The following CIAPIN1 variants were observed in gnomAD, a reference collection of about 807,000 sequenced individuals.
CIAPIN1 encodes the protein cytokine induced apoptosis inhibitor 1, also known as anamorsin.
Under a neutral mutation model 34.3 loss-of-function variants are expected in CIAPIN1, and 18 were observed. That is an observed-to-expected ratio of 0.52 (90% CI 0.36 to 0.78). The LOEUF (loss-of-function observed/expected upper bound fraction) is 0.78. CIAPIN1 is among the 30% of genes least tolerant of loss of function. CIAPIN1 has a pLI of 0.00. For missense variants in CIAPIN1, 310 were observed against 372.5 expected (o/e 0.83, Z 1.38); for synonymous variants, 131 against 140.4 (o/e 0.93, Z 0.47).
rs1433894386 is a variant in CIAPIN1 at position 57,447,055 on chromosome 16, G to T, written c.-56+287C>A. On this transcript the variant is annotated intron_variant, in intron 1 of 8. Transcript: ENST00000394391. ...AAGCTCGGAGCCGTTTCTCCTCAGCGTGGTGTCCCCGGGGCCTCAGAGTAG... is the reference window on the plus strand; with the variant it reads ...AAGCTCGGAGCCGTTTCTCCTCAGCTTGGTGTCCCCGGGGCCTCAGAGTAG... Among the ~76,000 whole-genome samples the T allele has an allele frequency of 2.6e-5, 4 of 152,228 alleles. No homozygotes were observed. In the East Asian group the frequency reaches 7.7e-4, roughly 29 times the overall value.
At chr16:57,445,074 G>T (rs2030001099) in intron 1 of CIAPIN1, among the ~76,000 whole-genome samples, 1 of 152,154 alleles carries the variant, frequency 6.6e-6, no homozygotes, top group Admixed American at 6.5e-5. Flanking sequence ...TGAGGCATTT[G>T]GTCTCTCTTC....
chr16:57,433,209 A>C (rs1903126813), intron 5 of CIAPIN1, among the ~76,000 whole-genome samples: 3 of 152,214 alleles, frequency 2.0e-5, no homozygotes, highest in Non-Finnish European at 4.4e-5. Context: ...TGCAAGGAAG[A>C]GGCAGAGAGC....
intron 5 of CIAPIN1, among the ~76,000 whole-genome samples, chr16:57,432,831 T>A (rs551677897): frequency 1.3e-5 from 2 of 152,348 alleles, no homozygotes; most frequent in Admixed American, 1.3e-4. Context: ...TTAATTCTGC[T>A]GACAACCTTA....
Position 57,428,965 on chromosome 16 carries a change from T to C in CIAPIN1, c.*205A>G, listed in dbSNP as rs774746478. On this transcript the variant is annotated 3_prime_UTR_variant, in exon 9 of 9. Coordinates refer to ENST00000394391, the MANE Select transcript of CIAPIN1 (RefSeq NM_020313.4). Reference sequence around the variant, plus strand: ...AAACCCATCCCATTCTGAAACCAGGTCCCATAATACCTTGGTCTTTTGATA... The same window carrying C: ...AAACCCATCCCATTCTGAAACCAGGCCCCATAATACCTTGGTCTTTTGATA... 2.4e-3 allele frequency: 1,232 copies of C among 518,054 alleles called. 3 individuals are homozygous for C. The highest frequency in any genetic ancestry group is 3.5e-3 in the Non-Finnish European group (1,027 of 289,632). The allele number at this position is 518,054 out of a possible 1,614,324, so 32.1% of individuals were successfully genotyped here. A position where few individuals can be genotyped will look rare whatever the true frequency, so the allele number is the denominator to read the frequency against.
chr16:57,446,061 G>C (rs2050023391), intron 1 of CIAPIN1, among the ~76,000 whole-genome samples: 1 of 151,940 alleles, frequency 6.6e-6, no homozygotes, highest in African/African-American at 2.4e-5. Context: ...GCCCAGGCTG[G>C]TCTCGAACTC....
intron 1 of CIAPIN1, 29 bp downstream of exon 1, chr16:57,447,313 G>C: frequency 4.8e-6 from 2 of 420,080 alleles, no homozygotes; most frequent in Non-Finnish European, 8.1e-6. Context: ...AGGGAGCTCT[G>C]GCGCTCAGCT....
intron 1 of CIAPIN1, among the ~76,000 whole-genome samples, chr16:57,446,557 C>G (rs1216595286): frequency 6.6e-6 from 1 of 152,200 alleles, no homozygotes; most frequent in African/African-American, 2.4e-5. Context: ...TTTACTTCTT[C>G]CTACTAAGCC....
intron 2 of CIAPIN1, 53 bp downstream of exon 2, chr16:57,440,719 A>G: frequency 6.5e-7 from 1 of 1,527,790 alleles, no homozygotes; most frequent in Non-Finnish European, 8.8e-7. Flanking sequence ...GAAATGCAAC[A>G]CTCCCATGGA....
chr16:57,446,557 CCTA>C (rs2030078987), intron 1 of CIAPIN1, among the ~76,000 whole-genome samples: 1 of 152,200 alleles, frequency 6.6e-6, no homozygotes, highest in Non-Finnish European at 1.5e-5. Flanking sequence ...TTTACTTCTT[CCTA>C]CTAAGCCTTC....
At position 57,429,257 on chromosome 16, in the gene CIAPIN1, G is replaced by A. The variant is rs1336287256; in HGVS notation, c.852C>T (p.Arg284=). The A allele has an allele frequency of 1.2e-6, 2 of 1,613,990 alleles. No homozygotes were observed. Among genetic ancestry groups the A allele is most frequent in the Admixed American group, 1.7e-5 (1 of 60,018 alleles). The change falls in exon 9 of 9, where the codon CGC becomes CGT. Residue 284 remains arginine (R), a synonymous_variant. Coordinates refer to ENST00000394391, the MANE Select transcript of CIAPIN1 (RefSeq NM_020313.4). ...TCCCAAGGTAGGGGCAGCTGGCACA[G>A]CGGAAGGCATCGCCCAGGTAGCACT... The part of the protein sequence containing the change: ...CGNCYLGDAF[R]CASCPYLGMP...
chr16:57,428,294 G>A lies in CIAPIN1; in HGVS notation c.*876C>T, dbSNP rs1318066188. On this transcript the variant is annotated 3_prime_UTR_variant, in exon 9 of 9. Coordinates refer to ENST00000394391, the MANE Select transcript of CIAPIN1 (RefSeq NM_020313.4). ...AGATTGATTCCAAGTCCATATGGGT[G>A]GATAACAAGAACAAAGGGGTCTCTG... 1 of 152,206 alleles carries A rather than the reference G, an allele frequency of 6.6e-6. No individual in the cohort carries two copies. Among genetic ancestry groups the A allele is most frequent in the Middle Eastern group, 3.2e-3 (1 of 316 alleles). 9.4% of individuals were successfully genotyped at this position (152,206 alleles called of 1,614,324 possible). A position where few individuals can be genotyped will look rare whatever the true frequency, so the allele number is the denominator to read the frequency against.
At chr16:57,435,623 T>A (rs1164198826) in intron 4 of CIAPIN1, among the ~76,000 whole-genome samples, 1 of 152,060 alleles carries the variant, frequency 6.6e-6, no homozygotes, top group Non-Finnish European at 1.5e-5. Context: ...CGAAACCCCA[T>A]CTGTACTAAA....
chr16:57,440,862 C>T lies in CIAPIN1; in HGVS notation c.67G>A (p.Glu23Lys). Residue 23 changes from glutamate to lysine, a missense_variant, in exon 2 of 9, where the codon GAG becomes AAG. Physicochemically the swap from Glu to Lys is moderately conservative, Grantham distance 56. Coordinates refer to ENST00000394391, the MANE Select transcript of CIAPIN1 (RefSeq NM_020313.4). The part of the protein sequence containing the change: ...AVVWDKSSPV[E>K]ALKGLVDKLQ... Reference sequence around the variant, plus strand: ...TTATCCACCAGACCTTTCAGAGCCTCCACTGGGGATGACTTATCCCAGACC... The same window carrying T: ...TTATCCACCAGACCTTTCAGAGCCTTCACTGGGGATGACTTATCCCAGACC... 1 of 1,614,098 alleles carries T rather than the reference C, an allele frequency of 6.2e-7. No individual in the cohort carries two copies. Among genetic ancestry groups the T allele is most frequent in the Non-Finnish European group, 8.5e-7 (1 of 1,179,982 alleles).
chr16:57,430,304 T>C lies in CIAPIN1; in HGVS notation c.782A>G (p.Lys261Arg). The change falls in exon 8 of 9, where the codon AAG (lysine) becomes AGG (arginine). Residue 261 changes from lysine (K) to arginine (R), a missense_variant. Physicochemically the swap from Lys to Arg is conservative, Grantham distance 26. Coordinates refer to ENST00000394391, the MANE Select transcript of CIAPIN1 (RefSeq NM_020313.4). ...TTGGGAGCTCATCTGTTCCCTTGAC[T>C]TCTCTTTTTCCAGTTCTTCGGCAAG... ...CGLAEELEKEKSREQMSSQPK... is the reference protein window; with the variant it reads ...CGLAEELEKERSREQMSSQPK... 1.2e-6 allele frequency: 2 copies of C among 1,614,246 alleles called. No individual in the cohort carries two copies. Among genetic ancestry groups the C allele is most frequent in the South Asian group, 2.2e-5 (2 of 91,086 alleles).
intron 7 of CIAPIN1, 121 bp downstream of exon 7, chr16:57,431,030 T>C: frequency 1.7e-6 from 1 of 580,272 alleles, no homozygotes; most frequent in South Asian, 2.7e-5. Context: ...TTTGCAGAGA[T>C]GGTCTCCCTG....
rs149735440 is a variant in CIAPIN1, at chr16:57,441,015, G to A, written c.-55-32C>T. On this transcript the variant is annotated intron_variant, in intron 1 of 8. Transcript: ENST00000394391. ...AGAGACAAAGTGCAATTTAATCTGT[G>A]AGATATCATAAAATATGATTAGAAT... is the stretch of plus-strand genomic sequence containing the variant. The A allele has an allele frequency of 5.3e-5, 74 of 1,383,320 alleles. No homozygotes were observed. The East Asian group carries it at 1.0e-3, about 19-fold the overall frequency. 85.7% of individuals were successfully genotyped at this position (1,383,320 alleles called of 1,614,324 possible). A position where few individuals can be genotyped will look rare whatever the true frequency, so the allele number is the denominator to read the frequency against.
At chr16:57,443,810 A>G (rs1395634788) in intron 1 of CIAPIN1, among the ~76,000 whole-genome samples, 1 of 152,218 alleles carries the variant, frequency 6.6e-6, no homozygotes, top group Non-Finnish European at 1.5e-5. Flanking sequence ...TTTAACTGGC[A>G]CATGATGTCG....
At chr16:57,441,662 T>C (rs1396800538) in intron 1 of CIAPIN1, among the ~76,000 whole-genome samples, 1 of 152,238 alleles carries the variant, frequency 6.6e-6, no homozygotes. Flanking sequence ...TAGTGAGTGC[T>C]ACATGGATAA....
chr16:57,431,220 T>C lies in CIAPIN1; in HGVS notation c.677A>G (p.Lys226Arg). The change falls in exon 7 of 9, where the codon AAG becomes AGG. Residue 226 changes from lysine to arginine, a missense_variant. Physicochemically the swap from Lys to Arg is conservative, Grantham distance 26. Coordinates refer to ENST00000394391, the MANE Select transcript of CIAPIN1 (RefSeq NM_020313.4). Reference sequence around the variant, plus strand: ...AGCCCGCAGGGAAGCTGGATCTGGCTTCTTCAAATCTTCTGGATCCAGCAG... The same window carrying C: ...AGCCCGCAGGGAAGCTGGATCTGGCCTCTTCAAATCTTCTGGATCCAGCAG... Reference protein sequence around the residue: ...DELLDPEDLKKPDPASLRAAS... With the variant: ...DELLDPEDLKRPDPASLRAAS... 6.2e-7 allele frequency: 1 copy of C among 1,613,962 alleles called. No homozygotes were observed. The highest frequency in any genetic ancestry group is 1.1e-5 in the South Asian group (1 of 91,074).
Sources: allele counts gnomAD v4.1 joint callset (sites outside exome capture counted in the v4.1 genomes callset), GRCh38; gene constraint gnomAD v4.1.1; transcripts MANE v1.5; gene names NCBI Gene and HGNC (gene_info 2026-07-23, HGNC 2026-07-21).